Variants in MECR observed in about 807,000 individuals in gnomAD.
MECR encodes enoyl-[acyl-carrier-protein] reductase, mitochondrial.
Under a neutral mutation model 49.1 loss-of-function variants are expected in MECR, and 37 were observed. The observed-to-expected ratio is 0.75, with a 90% CI of 0.58 to 0.99. The LOEUF is 0.99. MECR is among the 50% of genes least tolerant of loss of function. MECR has a pLI of 0.00. For synonymous variants in MECR, 198 were observed against 191.1 expected, an observed-to-expected ratio of 1.04 and a Z score of -0.30; for missense variants, 470 against 479.6, an observed-to-expected ratio of 0.98 and a Z score of 0.19.
chr1:29,203,744 C>T (rs1288089002), intron 4 of MECR, among the ~76,000 whole-genome samples: 1 of 152,224 alleles, frequency 6.6e-6, no homozygotes, highest in Non-Finnish European at 1.5e-5. Context: ...CCCCATCTTA[C>T]ACTTCATTGT....
At chr1:29,178,245 T>C in the MECR span, among the ~76,000 whole-genome samples, 2 of 152,064 alleles carry the variant, frequency 1.3e-5, no homozygotes, top group African/African-American at 4.8e-5. Flanking sequence ...CTTACAACCC[T>C]TCAGCCTAAC....
Position 29,203,354 on chromosome 1 carries a change from C to G in MECR, c.551-121G>C, listed in dbSNP as rs11804247. The G allele has an allele frequency of 2.3e-3, 1,590 of 679,246 alleles. 12 individuals carry two copies. In the African/African-American group the frequency reaches 0.026, roughly 11 times the overall value. 42.1% of individuals were successfully genotyped at this position (679,246 alleles called of 1,614,324 possible). On this transcript the variant is annotated intron_variant, in intron 4 of 9. Coordinates refer to ENST00000263702, the MANE Select transcript of MECR (RefSeq NM_016011.5). ...CTCAGGCTCAACAGGGACCCAGGAC[C>G]TGGCTGCTGAGTCTTCTCAGACCTT...
In MECR at chr1:29,206,615, G is replaced by A. The variant is rs1676637770; in HGVS notation, c.550+147C>T. 3.3e-6 allele frequency: 3 copies of A among 902,246 alleles called. No individual in the cohort carries two copies. The African/African-American group carries it at 5.0e-5, about 15-fold the overall frequency. The allele number at this position is 902,246 out of a possible 1,614,324, so 55.9% of individuals were successfully genotyped here. The stretch of plus-strand genomic sequence containing the variant: ...AGGAACCAAGCTAACATCTTTCTAA[G>A]TGAAAGCAACAACATTCACCCAGGT... On this transcript the variant is annotated intron_variant, in intron 4 of 9. Transcript: ENST00000263702.
At chr1:29,182,326 G>A in the MECR span, among the ~76,000 whole-genome samples, 31 of 152,188 alleles carry the variant, frequency 2.0e-4, 1 homozygote, top group Admixed American at 2.0e-3. Flanking sequence ...TGTAAAAGGG[G>A]GAGAGTAGTT....
the MECR span, among the ~76,000 whole-genome samples, chr1:29,176,639 T>C: frequency 6.6e-6 from 1 of 152,196 alleles, no homozygotes; most frequent in Non-Finnish European, 1.5e-5. Flanking sequence ...GGGTTGGCAG[T>C]AATTCTTCTC....
rs1026291330 is a variant in MECR at position 29,215,848 on chromosome 1, G to T, written c.406+157C>A. 2.6e-5 allele frequency among the ~76,000 whole-genome samples: 4 copies of T among 152,214 alleles called. No homozygotes were observed. The South Asian group carries it at 8.3e-4, about 32-fold the overall frequency. The stretch of plus-strand genomic sequence containing the variant: ...ATCGCGCCATTGCACTCCAGCCTGG[G>T]CAATAAGAGCAAAACTCCGTCTCAA... On this transcript the variant is annotated intron_variant, in intron 3 of 9. Transcript: ENST00000263702.
chr1:29,176,069 G>A, the MECR span, among the ~76,000 whole-genome samples: 3 of 151,958 alleles, frequency 2.0e-5, no homozygotes, highest in East Asian at 1.9e-4. Context: ...TGCCTAACAC[G>A]GTGAAACCCT....
chr1:29,230,608 G>T, intron 1 of MECR, 123 bp downstream of exon 1: 1 of 1,293,942 alleles, frequency 7.7e-7, no homozygotes, highest in Non-Finnish European at 1.1e-6. Context: ...CTGGGCTTCG[G>T]CTTCGGTTTG....
At chr1:29,209,875 C>G (rs1479074762) in intron 3 of MECR, among the ~76,000 whole-genome samples, 1 of 152,112 alleles carries the variant, frequency 6.6e-6, no homozygotes, top group African/African-American at 2.4e-5. Flanking sequence ...TGCTGGGATT[C>G]TAATGGTGTC....
chr1:29,195,535 C>T (rs1470068861), intron 9 of MECR, among the ~76,000 whole-genome samples: 1 of 152,198 alleles, frequency 6.6e-6, no homozygotes, highest in Non-Finnish European at 1.5e-5. Flanking sequence ...ACACGGCTAA[C>T]AAGAGTTTAA....
chr1:29,219,397 T>C (rs908622469), intron 1 of MECR, among the ~76,000 whole-genome samples: 15 of 152,342 alleles, frequency 9.8e-5, no homozygotes, highest in African/African-American at 2.9e-4. Context: ...TAGCCCAGAA[T>C]GTTTTCTTCC....
intron 3 of MECR, among the ~76,000 whole-genome samples, chr1:29,214,084 T>C (rs1678717643): frequency 6.7e-6 from 1 of 149,536 alleles, no homozygotes; most frequent in African/African-American, 2.5e-5. Context: ...TTTTTTGAGA[T>C]GGAGTCTTAC....
chr1:29,182,567 C>T, the MECR span, among the ~76,000 whole-genome samples: 1 of 150,820 alleles, frequency 6.6e-6, no homozygotes, highest in Non-Finnish European at 1.5e-5. Flanking sequence ...TTTTTTGAGA[C>T]GAGTTTCGCT....
chr1:29,228,397 G>C (rs1445090227), intron 1 of MECR, among the ~76,000 whole-genome samples: 1 of 150,252 alleles, frequency 6.7e-6, no homozygotes, highest in Non-Finnish European at 1.5e-5. Flanking sequence ...CTGTTACCCA[G>C]GCTAAAGTTC....
chr1:29,189,768 A>T (rs531345320), downstream of MECR, among the ~76,000 whole-genome samples: 5 of 152,072 alleles, frequency 3.3e-5, no homozygotes, highest in South Asian at 1.0e-3. Context: ...CTACTGCTGG[A>T]GGGATTTTTT....
At chr1:29,194,317 G>C (rs1454053868) in intron 9 of MECR, 138 bp from the exon 10 acceptor site, 1 of 987,474 alleles carries the variant, frequency 1.0e-6, no homozygotes, top group African/African-American at 1.6e-5. Flanking sequence ...CCAAGGATAG[G>C]GTGGCTGTGG....
At chr1:29,200,983 C>T (rs1020726862) in intron 6 of MECR, among the ~76,000 whole-genome samples, 1 of 152,042 alleles carries the variant, frequency 6.6e-6, no homozygotes, top group African/African-American at 2.4e-5. Flanking sequence ...TTTGTAGAGA[C>T]AGAGGTCTCA....
At chr1:29,227,783 G>C (rs564777529) in intron 1 of MECR, among the ~76,000 whole-genome samples, 1 of 152,274 alleles carries the variant, frequency 6.6e-6, no homozygotes, top group African/African-American at 2.4e-5. Flanking sequence ...TGACAGTGTG[G>C]TTACCCTAAA....
intron 4 of MECR, among the ~76,000 whole-genome samples, chr1:29,205,056 A>C (rs951467642): frequency 6.6e-6 from 1 of 152,170 alleles, no homozygotes. Context: ...ATGTGCATGG[A>C]TGTGCATGGT....
Sources: allele counts gnomAD v4.1 joint callset (sites outside exome capture counted in the v4.1 genomes callset), GRCh38; gene constraint gnomAD v4.1.1; transcripts MANE v1.5; gene names NCBI Gene and HGNC (gene_info 2026-07-23, HGNC 2026-07-21).